SLC2A13: variants seen among roughly 807,000 people sequenced by gnomAD.
SLC2A13 encodes proton myo-inositol cotransporter.
In SLC2A13, 32 loss-of-function variants were observed where a neutral mutation model predicts 64.4. The observed-to-expected ratio is 0.50, with a 90% CI of 0.37 to 0.67. The LOEUF (loss-of-function observed/expected upper bound fraction) is 0.67, where lower values mean the gene tolerates loss of function less well. SLC2A13 is among the 30% of genes least tolerant of loss of function. The pLI is 0.00. For synonymous variants in SLC2A13, 338 were observed against 327.1 expected (o/e 1.03, Z -0.36); for missense variants, 743 against 829.2 (o/e 0.90, Z 1.28).
chr12:39,805,953 G>A (rs769752249), intron 7 of SLC2A13, among the ~76,000 whole-genome samples: 2 of 152,090 alleles, frequency 1.3e-5, no homozygotes, highest in Non-Finnish European at 2.9e-5. Context: ...ATTAATGGCT[G>A]GTCTATTCAT....
At chr12:39,853,047 G>A (rs1370702674) in intron 6 of SLC2A13, among the ~76,000 whole-genome samples, 1 of 152,126 alleles carries the variant, frequency 6.6e-6, no homozygotes, top group African/African-American at 2.4e-5. Context: ...CTGTGCTTTT[G>A]TTGTTTCATT....
chr12:39,784,793 A>G, intron 7 of SLC2A13, among the ~76,000 whole-genome samples: 1 of 152,204 alleles, frequency 6.6e-6, no homozygotes, highest in Middle Eastern at 3.2e-3. Context: ...CAGGCAACCT[A>G]TAGAATGGGA....
chr12:40,077,654 T>C (rs963736284), intron 1 of SLC2A13, among the ~76,000 whole-genome samples: 1 of 152,228 alleles, frequency 6.6e-6, no homozygotes, highest in Non-Finnish European at 1.5e-5. Context: ...TGGTTGCATA[T>C]GAATTTTAGA....
intron 7 of SLC2A13, among the ~76,000 whole-genome samples, chr12:39,809,063 G>A (rs1942063684): frequency 6.6e-6 from 1 of 152,102 alleles, no homozygotes; most frequent in Admixed American, 6.6e-5. Context: ...GGTCTATGAT[G>A]TATATTGAGC....
chr12:39,766,733 C>T (rs868425407), intron 7 of SLC2A13, among the ~76,000 whole-genome samples: 2 of 152,088 alleles, frequency 1.3e-5, no homozygotes, highest in Non-Finnish European at 1.5e-5. Flanking sequence ...CAACAATGTT[C>T]ATAGCACTTT....
rs1942819423 is a variant in SLC2A13, at chr12:39,830,382, A to C, written c.1320-154T>G. 5.7e-6 allele frequency: 8 copies of C among 1,400,516 alleles called. No homozygotes were observed. The East Asian group carries it at 2.1e-4, about 37-fold the overall frequency. The allele number at this position is 1,400,516 out of a possible 1,614,324, so 86.8% of individuals were successfully genotyped here. A position where few individuals can be genotyped will look rare whatever the true frequency, so the allele number is the denominator to read the frequency against. On this transcript the variant is annotated intron_variant, in intron 6 of 9. Coordinates refer to ENST00000280871, the MANE Select transcript of SLC2A13 (RefSeq NM_052885.4). The stretch of plus-strand genomic sequence containing the variant: ...TGGCCAAGGAAAGTGACATGCGCTG[A>C]GCCAGGTGAGAGCTGGCTGGTCTCT...
At chr12:39,760,721 A>G (rs1940102913) in intron 9 of SLC2A13, among the ~76,000 whole-genome samples, 2 of 152,020 alleles carry the variant, frequency 1.3e-5, no homozygotes, top group South Asian at 4.1e-4. Flanking sequence ...TGTAAACTCC[A>G]TGAAGTCAGA....
At chr12:39,982,393 G>T (rs1040241770) in intron 3 of SLC2A13, among the ~76,000 whole-genome samples, 1 of 142,942 alleles carries the variant, frequency 7.0e-6, no homozygotes, top group African/African-American at 2.6e-5. Flanking sequence ...AATTGTCCCT[G>T]TTTGCAGACG....
At chr12:40,047,857 G>A (rs1282820685) in intron 2 of SLC2A13, among the ~76,000 whole-genome samples, 194 bp downstream of exon 2, 2 of 152,122 alleles carry the variant, frequency 1.3e-5, no homozygotes, top group Non-Finnish European at 2.9e-5. Context: ...AATTCTTAAT[G>A]GTAGGTTCCT....
chr12:39,865,879 G>A (rs534923653), intron 5 of SLC2A13, among the ~76,000 whole-genome samples: 1 of 152,296 alleles, frequency 6.6e-6, no homozygotes, highest in South Asian at 2.1e-4. Flanking sequence ...ATTACTTGGG[G>A]GTAGAGGGTG....
intron 3 of SLC2A13, among the ~76,000 whole-genome samples, chr12:40,000,246 T>C (rs1160910511): frequency 1.3e-5 from 2 of 152,188 alleles, no homozygotes; most frequent in African/African-American, 4.8e-5. Context: ...ATCTCAGGTA[T>C]GTCTTTATCA....
chr12:39,799,102 C>T (rs1376670043), intron 7 of SLC2A13, among the ~76,000 whole-genome samples: 5 of 132,080 alleles, frequency 3.8e-5, no homozygotes, highest in East Asian at 2.4e-4. Context: ...TTTTTAGACT[C>T]AGAGTCTCAC....
At chr12:39,896,249 CATGTATGTATATGTGTGT>C (rs1944847043) in intron 4 of SLC2A13, among the ~76,000 whole-genome samples, 5 of 92,524 alleles carry the variant, frequency 5.4e-5, no homozygotes, top group African/African-American at 2.0e-4. Flanking sequence ...TATATGTATA[CATGTATGTATATGTGTGT>C]ATATATGTAT....
intron 7 of SLC2A13, among the ~76,000 whole-genome samples, chr12:39,766,749 G>C (rs1033625481): frequency 1.3e-5 from 2 of 152,074 alleles, no homozygotes; most frequent in African/African-American, 2.4e-5. Flanking sequence ...ACTTTCACCA[G>C]GAGTAGATTC....
intron 7 of SLC2A13, among the ~76,000 whole-genome samples, chr12:39,787,765 A>T (rs1411013615): frequency 6.6e-6 from 1 of 152,216 alleles, no homozygotes; most frequent in Non-Finnish European, 1.5e-5. Flanking sequence ...ACATGATGTT[A>T]GGTGAATGGA....
chr12:39,998,404 A>T (rs1947268107), intron 3 of SLC2A13, among the ~76,000 whole-genome samples: 1 of 152,224 alleles, frequency 6.6e-6, no homozygotes, highest in Non-Finnish European at 1.5e-5. Flanking sequence ...GAAGGGGGTG[A>T]GGAATAAAAC....
At chr12:39,908,103 C>G (rs1337060592) in intron 4 of SLC2A13, 1 of 151,942 alleles carries the variant, frequency 6.6e-6, no homozygotes, top group Non-Finnish European at 1.5e-5. Context: ...CTAGATTTCA[C>G]TTTTTCTCTT....
chr12:39,966,945 A>C (rs577368694), intron 3 of SLC2A13, among the ~76,000 whole-genome samples: 158 of 152,298 alleles, frequency 1.0e-3, no homozygotes, highest in Non-Finnish European at 1.9e-3. Flanking sequence ...CTTCTAGATA[A>C]ATATGGCTCT....
At position 39,797,738 on chromosome 12, in the gene SLC2A13, A is replaced by ACG. The variant is rs1555237512; in HGVS notation, c.1445+32364_1445+32365insCG. The stretch of plus-strand genomic sequence containing the variant: ...AGCCAGTTATGGTAAACACACACAC[A>ACG]CACACACACACACACACACACACAC... On this transcript the variant is annotated intron_variant, in intron 7 of 9. Coordinates refer to ENST00000280871, the MANE Select transcript of SLC2A13 (RefSeq NM_052885.4). Among the ~76,000 whole-genome samples the ACG allele has an allele frequency of 2.9e-3, 152 of 52,546 alleles. 1 individual carries two copies. The highest frequency in any genetic ancestry group is 9.1e-3 in the African/African-American group (150 of 16,508). The allele number at this position is 52,546 out of a possible 152,430, so 34.5% of individuals were successfully genotyped here. A position where few individuals can be genotyped will look rare whatever the true frequency, so the allele number is the denominator to read the frequency against.
Sources: gnomAD v4.1 joint callset for allele counts (sites outside exome capture counted in the v4.1 genomes callset) on GRCh38, gnomAD v4.1.1 for gene constraint, MANE v1.5 for transcripts, NCBI Gene and HGNC (gene_info 2026-07-23, HGNC 2026-07-21) for gene names.